Variants in WIPF3 observed in about 807,000 individuals in gnomAD.
WIPF3 encodes WAS/WASL-interacting protein family member 3.
Under a neutral mutation model 38.9 loss-of-function variants are expected in WIPF3, and 33 were observed. That is an observed-to-expected ratio of 0.85 (90% CI 0.64 to 1.14). The LOEUF (loss-of-function observed/expected upper bound fraction) is 1.14, where lower values mean the gene tolerates loss of function less well. Among genes scored for constraint, WIPF3 ranks in the 50% most tolerant of loss-of-function variants. The pLI is 0.00. For missense variants in WIPF3, 711 were observed against 652.5 expected (o/e 1.09, Z -0.98); for synonymous variants, 324 against 269.3 (o/e 1.20, Z -1.99).
chr7:29,808,814 AT>A (rs1323545719), intron 1 of WIPF3, among the ~76,000 whole-genome samples: 1 of 152,176 alleles, frequency 6.6e-6, no homozygotes, highest in Non-Finnish European at 1.5e-5. Context: ...CAGAAACCAT[AT>A]AGTACAGGTT....
intron 7 of WIPF3, among the ~76,000 whole-genome samples, chr7:29,898,510 C>T (rs1191793532): frequency 1.3e-5 from 2 of 152,182 alleles, no homozygotes; most frequent in East Asian, 3.8e-4. Context: ...CCCCTCCGCT[C>T]AGAATCCTCC....
intron 7 of WIPF3, among the ~76,000 whole-genome samples, chr7:29,901,846 A>AAAAG (rs1173353076): frequency 1.6e-4 from 7 of 42,986 alleles, no homozygotes; most frequent in African/African-American, 2.5e-4. Context: ...AAAAAAAAAA[A>AAAAG]AAAGAAAGAA....
At chr7:29,907,346 A>G (rs1309679130) in intron 8 of WIPF3, among the ~76,000 whole-genome samples, 1 of 152,192 alleles carries the variant, frequency 6.6e-6, no homozygotes, top group Non-Finnish European at 1.5e-5. Flanking sequence ...TAATTTGTTC[A>G]CATCAACAAC....
Position 29,874,299 on chromosome 7 carries a change from G to A in WIPF3, c.91-1531G>A, listed in dbSNP as rs1391949010. 2.0e-5 allele frequency among the ~76,000 whole-genome samples: 3 copies of A among 151,990 alleles called. No individual in the cohort carries two copies. In the East Asian group the frequency reaches 5.8e-4, roughly 29 times the overall value. On this transcript the variant is annotated intron_variant, in intron 2 of 8. Coordinates refer to ENST00000242140, the MANE Select transcript of WIPF3 (RefSeq NM_001080529.3). ...GCCAGATCCAATTCTACTCTTCGGG[G>A]ATATTTTTGTGAACAAAACAGACAG...
At chr7:29,810,093 C>T (rs1784347364) in intron 1 of WIPF3, among the ~76,000 whole-genome samples, 1 of 152,182 alleles carries the variant, frequency 6.6e-6, no homozygotes, top group South Asian at 2.1e-4. Flanking sequence ...TCCACTGTTC[C>T]TTAAGAGCTA....
intron 2 of WIPF3, among the ~76,000 whole-genome samples, chr7:29,863,130 T>C (rs1173546870): frequency 6.6e-6 from 1 of 152,188 alleles, no homozygotes; most frequent in Non-Finnish European, 1.5e-5. Context: ...ACTTTGTAAA[T>C]TGCAACACAT....
intron 8 of WIPF3, among the ~76,000 whole-genome samples, chr7:29,906,677 CA>C (rs1786404391): frequency 6.6e-6 from 1 of 152,026 alleles, no homozygotes; most frequent in Admixed American, 6.6e-5. Context: ...TATAAACATC[CA>C]AAATGCTCAG....
intron 1 of WIPF3, among the ~76,000 whole-genome samples, chr7:29,817,480 T>C (rs967304982): frequency 1.5e-4 from 23 of 152,144 alleles, no homozygotes; most frequent in Non-Finnish European, 5.9e-5. Context: ...TTTCCTTTTT[T>C]AGAAATTAAA....
chr7:29,885,169 T>C (rs536070453), intron 5 of WIPF3, among the ~76,000 whole-genome samples: 1 of 152,366 alleles, frequency 6.6e-6, no homozygotes, highest in East Asian at 1.9e-4. Flanking sequence ...TGAGGGCCTG[T>C]ATTTTGAGCC....
chr7:29,877,002 C>T (rs1108402), intron 3 of WIPF3, among the ~76,000 whole-genome samples: 16,559 of 152,012 alleles, frequency 0.11, 1,018 homozygotes, highest in Middle Eastern at 0.2. Context: ...TAGTACAGAT[C>T]GAGCATCCCT....
At chr7:29,811,157 C>T (rs2128060961) in intron 1 of WIPF3, among the ~76,000 whole-genome samples, 1 of 152,184 alleles carries the variant, frequency 6.6e-6, no homozygotes, top group Non-Finnish European at 1.5e-5. Context: ...TCCCAAAGTG[C>T]TGGGATTACA....
intron 1 of WIPF3, among the ~76,000 whole-genome samples, chr7:29,812,741 G>A (rs151062086): frequency 6.8e-4 from 104 of 152,298 alleles, no homozygotes; most frequent in African/African-American, 2.4e-3. Context: ...AGGAAGAAGA[G>A]GGAATGGTTA....
At position 29,884,185 on chromosome 7, in the gene WIPF3, C is replaced by G. The variant is rs1243104051; in HGVS notation, c.691C>G (p.Pro231Ala). 2.6e-6 allele frequency: 4 copies of G among 1,515,476 alleles called. No individual in the cohort carries two copies. In the African/African-American group the frequency reaches 4.2e-5, roughly 16 times the overall value. The allele number at this position is 1,515,476 out of a possible 1,614,324, so 93.9% of individuals were successfully genotyped here. ...CAPPPPPPPP[P>A]PTPPPLPPAS... ...GCCACCACCTCCACCTCCGCCACCT[C>G]CCCCAACGCCACCCCCGCTGCCCCC... is the stretch of plus-strand genomic sequence containing the variant. Residue 231 changes from proline to alanine, a missense_variant, in exon 5 of 9, where the codon CCC becomes GCC. Physicochemically the swap from Pro to Ala is conservative, Grantham distance 27 (BLOSUM62 -1). Coordinates refer to ENST00000242140, the MANE Select transcript of WIPF3 (RefSeq NM_001080529.3).
chr7:29,894,764 G>GACAC (rs34105700), intron 7 of WIPF3, among the ~76,000 whole-genome samples: 8,905 of 148,046 alleles, frequency 0.06, 538 homozygotes, highest in African/African-American at 0.16. Flanking sequence ...CTCTCTTTCT[G>GACAC]ACACACACAC....
chr7:29,848,203 G>A (rs1785033073), intron 2 of WIPF3, among the ~76,000 whole-genome samples: 2 of 152,192 alleles, frequency 1.3e-5, no homozygotes, highest in South Asian at 4.1e-4. Context: ...CTATAGGACT[G>A]TAACTGCTAA....
intron 2 of WIPF3, among the ~76,000 whole-genome samples, chr7:29,867,562 C>T (rs1785410251): frequency 7.1e-6 from 1 of 140,110 alleles, no homozygotes; most frequent in Non-Finnish European, 1.5e-5. Flanking sequence ...CCCTCCACAC[C>T]CCAGCTTTTT....
At chr7:29,821,651 TGATA>T (rs1356358501) in intron 1 of WIPF3, among the ~76,000 whole-genome samples, 1 of 152,246 alleles carries the variant, frequency 6.6e-6, no homozygotes, top group Non-Finnish European at 1.5e-5. Context: ...ATTATATGCT[TGATA>T]TTATGTGTTT....
intron 2 of WIPF3, among the ~76,000 whole-genome samples, chr7:29,859,350 A>G (rs1045859341): frequency 2.0e-5 from 3 of 152,220 alleles, no homozygotes; most frequent in African/African-American, 7.2e-5. Context: ...ATCAAAGGCC[A>G]TCTGAGGGCC....
chr7:29,837,390 T>C (rs1784823298), intron 2 of WIPF3, among the ~76,000 whole-genome samples: 1 of 152,114 alleles, frequency 6.6e-6, no homozygotes, highest in Non-Finnish European at 1.5e-5. Context: ...GAAAAACACA[T>C]TTTGTGCATA....
Sources: allele counts gnomAD v4.1 joint callset (sites outside exome capture counted in the v4.1 genomes callset), GRCh38; gene constraint gnomAD v4.1.1; transcripts MANE v1.5; gene names NCBI Gene and HGNC (gene_info 2026-07-23, HGNC 2026-07-21).